The following BCL11B variants were observed in gnomAD, a reference collection of about 807,000 sequenced individuals.
BCL11B encodes BCL11 transcription factor B, also known as B-cell lymphoma/leukemia 11B.
In BCL11B, 8 loss-of-function variants were observed where a neutral mutation model predicts 49.9. The ratio of observed to expected loss-of-function variants is 0.16; its 90% CI spans 0.09 to 0.29. The LOEUF (loss-of-function observed/expected upper bound fraction) is 0.29. BCL11B is among the 10% of genes least tolerant of loss of function. BCL11B has a pLI of 1.00. For missense variants in BCL11B, 1,006 were observed against 1,351.0 expected (o/e 0.74, Z 4.00); for synonymous variants, 739 against 637.4 (o/e 1.16, Z -2.40).
At chr14:99,217,371 T>TACACACACATACAGACAC (rs144037524) in intron 3 of BCL11B, among the ~76,000 whole-genome samples, 12,313 of 144,904 alleles carry the variant, frequency 0.085, 727 homozygotes, top group Non-Finnish European at 0.12. Flanking sequence ...AGTACAAATA[T>TACACACACATACAGACAC]ACACACACAT....
At chr14:99,259,493 C>T (rs528312798) in intron 1 of BCL11B, among the ~76,000 whole-genome samples, 5 of 152,258 alleles carry the variant, frequency 3.3e-5, no homozygotes, top group East Asian at 1.9e-4. Context: ...GAATAGGTAG[C>T]GACGTAGGTA....
chr14:99,246,337 G>C (rs1888836450), intron 2 of BCL11B, among the ~76,000 whole-genome samples: 1 of 152,206 alleles, frequency 6.6e-6, no homozygotes, highest in Non-Finnish European at 1.5e-5. Context: ...CGGCCCTCCC[G>C]CCCCACCAAG....
rs1416295036 is a variant in BCL11B at position 99,271,799 on chromosome 14, T to C, written c.-581A>G. On this transcript the variant is annotated 5_prime_UTR_variant, in exon 1 of 4. Transcript: ENST00000357195. ...AGGAAAAAAAAAAGCAAAGAAAACT[T>C]GGGGACTTGTCTCGTACCCCCTCAC... 1.3e-5 allele frequency among the ~76,000 whole-genome samples: 2 copies of C among 151,452 alleles called. No individual in the cohort carries two copies.
At chr14:99,176,632 C>T (rs182162540) in intron 3 of BCL11B, among the ~76,000 whole-genome samples, 2 of 152,350 alleles carry the variant, frequency 1.3e-5, no homozygotes, top group East Asian at 3.9e-4. Flanking sequence ...TAGGCCAGGG[C>T]TTCTCAGTCA....
At chr14:99,235,831 AT>A (rs144861972) in intron 2 of BCL11B, among the ~76,000 whole-genome samples, 2 of 150,594 alleles carry the variant, frequency 1.3e-5, no homozygotes, top group African/African-American at 2.4e-5. Context: ...TGCATTGTTG[AT>A]TTTTTTTTCT....
chr14:99,251,761 G>C (rs1889013716), intron 2 of BCL11B, among the ~76,000 whole-genome samples: 1 of 152,138 alleles, frequency 6.6e-6, no homozygotes. Flanking sequence ...TCATATCTGG[G>C]ATGGGCTTCA....
intron 3 of BCL11B, among the ~76,000 whole-genome samples, chr14:99,221,074 G>A (rs1052209539): frequency 1.3e-5 from 2 of 152,126 alleles, no homozygotes; most frequent in African/African-American, 4.8e-5. Flanking sequence ...GGATGGTCTT[G>A]ATCTCTTGAC....
In BCL11B at chr14:99,241,901, A is replaced by G. The variant is rs1363321289; in HGVS notation, c.428-10344T>C. 6.6e-6 allele frequency among the ~76,000 whole-genome samples: 1 copy of G among 152,230 alleles called. No homozygotes were observed. Among genetic ancestry groups the G allele is most frequent in the Non-Finnish European group, 1.5e-5 (1 of 68,036 alleles). On this transcript the variant is annotated intron_variant, in intron 2 of 3. Coordinates refer to ENST00000357195, the MANE Select transcript of BCL11B (RefSeq NM_138576.4). This position sits in a 1 kb window ranked among gnomAD's most constrained non-coding sequence, Gnocchi z 4.4. ...AGGTAGGAAGCAAATGCTGAGAAAT[A>G]AGGAAGTAAAAACAGCCAACAGATT...
Position 99,175,283 on chromosome 14 carries a change from C to A in BCL11B, c.1553G>T (p.Arg518Leu), listed in dbSNP as rs1389594792. 1 of 1,540,648 alleles carries A rather than the reference C, an allele frequency of 6.5e-7. No individual in the cohort carries two copies. The highest frequency in any genetic ancestry group is 2.4e-5 in the East Asian group (1 of 40,906). Residue 518 changes from arginine to leucine, a missense_variant, in exon 4 of 4, where the codon CGC (arginine) becomes CTC (leucine). Around this residue, in one of 6 missense-constraint regions of BCL11B, gnomAD observed 443 missense variants for 499.7 expected, o/e 0.89. Coordinates refer to ENST00000357195, the MANE Select transcript of BCL11B (RefSeq NM_138576.4). ...CAGCGACGGGTCGCTCTCGTGGTGG[C>A]GGAAGTCACCGTCGGCCGCCTTGAG... ...EGLKAADGDF[R>L]HHESDPSLGH...
intron 1 of BCL11B, among the ~76,000 whole-genome samples, chr14:99,259,005 C>CG (rs11439166): frequency 0.49 from 75,112 of 151,802 alleles, 19,507 homozygotes; most frequent in East Asian, 0.84. Flanking sequence ...ACTCGGCAGC[C>CG]AAAAGTGTCA....
At chr14:99,256,360 C>G (rs1233843701) in intron 2 of BCL11B, among the ~76,000 whole-genome samples, 1 of 152,224 alleles carries the variant, frequency 6.6e-6, no homozygotes, top group Non-Finnish European at 1.5e-5. Flanking sequence ...TCATCTAATC[C>G]TCACACCAGG....
chr14:99,226,158 ACT>A (rs1465038391), intron 3 of BCL11B, among the ~76,000 whole-genome samples: 2 of 152,012 alleles, frequency 1.3e-5, no homozygotes, highest in East Asian at 3.9e-4. Flanking sequence ...CATACAGATG[ACT>A]CTCTAAATTT....
In BCL11B at chr14:99,203,449, C is replaced by T. The variant is rs183903673; in HGVS notation, c.641-27254G>A. Among the ~76,000 whole-genome samples, 256 of 152,190 alleles carry T rather than the reference C, an allele frequency of 1.7e-3. 3 individuals carry two copies. The highest frequency in any genetic ancestry group is 1.1e-3 in the Admixed American group (17 of 15,290). ...ATCCAGAACTTTAATTTCTTAAAGGCGAGTTCAAAGAGGTTAACGAAAGGA... is the reference window on the plus strand; with the variant it reads ...ATCCAGAACTTTAATTTCTTAAAGGTGAGTTCAAAGAGGTTAACGAAAGGA... On this transcript the variant is annotated intron_variant, in intron 3 of 3. Coordinates refer to ENST00000357195, the MANE Select transcript of BCL11B (RefSeq NM_138576.4).
intron 3 of BCL11B, among the ~76,000 whole-genome samples, chr14:99,193,048 C>CCCCA (rs1479424119): frequency 6.6e-6 from 1 of 152,140 alleles, no homozygotes; most frequent in Non-Finnish European, 1.5e-5. Context: ...ATGAACAAAT[C>CCCCA]CCCAAACCCC....
Position 99,173,511 on chromosome 14 carries a change from T to C in BCL11B, c.*640A>G, listed in dbSNP as rs1412803541. The C allele has an allele frequency of 4.6e-6, 1 of 215,298 alleles. No individual in the cohort carries two copies. Among genetic ancestry groups the C allele is most frequent in the African/African-American group, 2.3e-5 (1 of 44,024 alleles). 13.3% of individuals were successfully genotyped at this position (215,298 alleles called of 1,614,324 possible). ...CAAAGTGCTACGACTTGAAAGATTG[T>C]TATCCGCTGTACATCCACACCCCCC... is the stretch of plus-strand genomic sequence containing the variant. On this transcript the variant is annotated 3_prime_UTR_variant, in exon 4 of 4. Coordinates refer to ENST00000357195, the MANE Select transcript of BCL11B (RefSeq NM_138576.4).
rs1408518677 is a variant in BCL11B at position 99,175,016 on chromosome 14, A to T, written c.1820T>A (p.Leu607Gln). 1 of 1,592,738 alleles carries T rather than the reference A, an allele frequency of 6.3e-7. No homozygotes were observed. The highest frequency in any genetic ancestry group is 8.5e-7 in the Non-Finnish European group (1 of 1,175,452). The change falls in exon 4 of 4, where the codon CTG (leucine) becomes CAG (glutamine). Residue 607 changes from leucine to glutamine, a missense_variant. Leu to Gln is a moderately radical substitution (Grantham distance 113). Coordinates refer to ENST00000357195, the MANE Select transcript of BCL11B (RefSeq NM_138576.4). ...GGCCAGGAGCTCGCCGTACTGCGGCAGTGCGCCTAGGCCCACGTTCTCCAT... is the reference window on the plus strand; with the variant it reads ...GGCCAGGAGCTCGCCGTACTGCGGCTGTGCGCCTAGGCCCACGTTCTCCAT... ...KVMENVGLGA[L>Q]PQYGELLADK...
At chr14:99,177,423 T>G (rs1886568924) in intron 3 of BCL11B, among the ~76,000 whole-genome samples, 1 of 151,374 alleles carries the variant, frequency 6.6e-6, no homozygotes, top group Non-Finnish European at 1.5e-5. Flanking sequence ...CCGGAACCCA[T>G]CCTGCAAGTG....
Position 99,257,802 on chromosome 14 carries a change from T to A in BCL11B, c.96A>T (p.Glu32Asp). The change falls in exon 2 of 4, where the codon GAA becomes GAT. Residue 32 changes from glutamate (E) to aspartate (D), a missense_variant. Glu to Asp is a conservative substitution (Grantham distance 45). Around this residue, in one of 6 missense-constraint regions of BCL11B, gnomAD observed 411 missense variants for 542.2 expected, o/e 0.76. Coordinates refer to ENST00000357195, the MANE Select transcript of BCL11B (RefSeq NM_138576.4). This position sits in a 1 kb window ranked among gnomAD's most constrained non-coding sequence, Gnocchi z 6.2. ...ADHVEAAILE[E>D]DEGLEIEEPS... ...GCTCCTCTATCTCCAGACCCTCGTC[T>A]TCTTCGAGGATGGCGGCCTCCACAT... 3 of 1,557,598 alleles carry A rather than the reference T, an allele frequency of 1.9e-6. No individual in the cohort carries two copies. Among genetic ancestry groups the A allele is most frequent in the Non-Finnish European group, 2.6e-6 (3 of 1,149,790 alleles).
intron 3 of BCL11B, among the ~76,000 whole-genome samples, chr14:99,191,424 A>G (rs368069441): frequency 7.5e-4 from 114 of 152,234 alleles, no homozygotes; most frequent in African/African-American, 2.6e-3. Flanking sequence ...AATAGACTGA[A>G]AGAGAAAGTG....
Sources: gnomAD v4.1 joint callset for allele counts (sites outside exome capture counted in the v4.1 genomes callset) on GRCh38, gnomAD v4.1.1 for gene constraint, gnomAD v4.1.1 regional missense constraint, Gnocchi (gnomAD v3.1) non-coding constraint, MANE v1.5 for transcripts, NCBI Gene and HGNC (gene_info 2026-07-23, HGNC 2026-07-21) for gene names.